CNTN5: variants seen among roughly 807,000 people sequenced by gnomAD.
CNTN5 encodes the protein contactin-5.
Under a neutral mutation model 129.1 loss-of-function variants are expected in CNTN5, and 77 were observed. The observed-to-expected ratio is 0.60, with a 90% CI of 0.50 to 0.72. The LOEUF (loss-of-function observed/expected upper bound fraction) is 0.72. CNTN5 is among the 30% of genes least tolerant of loss of function. CNTN5 has a pLI of 0.00. For missense variants in CNTN5, 1,478 were observed against 1,328.8 expected, an observed-to-expected ratio of 1.11 and a Z score of -1.75; for synonymous variants, 509 against 465.6, an observed-to-expected ratio of 1.09 and a Z score of -1.20.
At chr11:99,708,682 CTGTGGGG>C (rs1954851161) in intron 3 of CNTN5, among the ~76,000 whole-genome samples, 1 of 151,690 alleles carries the variant, frequency 6.6e-6, no homozygotes, top group African/African-American at 2.4e-5. Flanking sequence ...TCTTTTCTCA[CTGTGGGG>C]TGAATGCATC....
chr11:100,044,131 T>C (rs1406696625), intron 9 of CNTN5, among the ~76,000 whole-genome samples: 1 of 136,458 alleles, frequency 7.3e-6, no homozygotes, highest in South Asian at 2.6e-4. Context: ...TAGACTTACA[T>C]GTACATGTGT....
At chr11:99,087,911 C>T (rs1202173670) in intron 1 of CNTN5, among the ~76,000 whole-genome samples, 1 of 152,112 alleles carries the variant, frequency 6.6e-6, no homozygotes, top group Non-Finnish European at 1.5e-5. Context: ...CCACAGAGTC[C>T]CATGGTCAGA....
chr11:99,421,513 C>G (rs1023236640), intron 2 of CNTN5, among the ~76,000 whole-genome samples: 4 of 152,162 alleles, frequency 2.6e-5, no homozygotes, highest in Non-Finnish European at 4.4e-5. Context: ...CCAATTGAAA[C>G]TAATTTCATA....
chr11:99,821,328 G>T (rs1008863891), intron 4 of CNTN5, among the ~76,000 whole-genome samples: 9 of 152,122 alleles, frequency 5.9e-5, no homozygotes, highest in Admixed American at 5.9e-4. Flanking sequence ...ACATAAGATG[G>T]AGCCAGCTGT....
At chr11:99,156,856 T>A (rs527596293) in intron 1 of CNTN5, among the ~76,000 whole-genome samples, 143 of 152,154 alleles carry the variant, frequency 9.4e-4, no homozygotes, top group African/African-American at 3.2e-3. Context: ...CAATATTTTT[T>A]AAACAAATCT....
At chr11:100,208,652 C>T (rs1450646949) in intron 15 of CNTN5, among the ~76,000 whole-genome samples, 1 of 152,164 alleles carries the variant, frequency 6.6e-6, no homozygotes, top group African/African-American at 2.4e-5. Flanking sequence ...GCCATTTTTG[C>T]AACCTACCAC....
chr11:99,671,584 AG>A (rs1953047134), intron 3 of CNTN5, among the ~76,000 whole-genome samples: 1 of 152,188 alleles, frequency 6.6e-6, no homozygotes, highest in Non-Finnish European at 1.5e-5. Context: ...TAAACAAGTA[AG>A]AAAAATAACT....
intron 13 of CNTN5, among the ~76,000 whole-genome samples, chr11:100,105,389 G>A (rs1478342201): frequency 6.6e-6 from 1 of 152,064 alleles, no homozygotes; most frequent in African/African-American, 2.4e-5. Context: ...TCATTTGCAA[G>A]CAAGAACTTC....
chr11:99,830,134 G>A (rs1432276497), intron 4 of CNTN5, among the ~76,000 whole-genome samples: 1 of 152,070 alleles, frequency 6.6e-6, no homozygotes, highest in African/African-American at 2.4e-5. Context: ...GGGGCGGGGA[G>A]CATGTTCTTC....
At chr11:99,783,795 G>T (rs1409860830) in intron 3 of CNTN5, among the ~76,000 whole-genome samples, 1 of 149,582 alleles carries the variant, frequency 6.7e-6, no homozygotes, top group African/African-American at 2.5e-5. Context: ...ACAGGAAGGG[G>T]AATATCACAC....
intron 1 of CNTN5, among the ~76,000 whole-genome samples, chr11:99,066,218 C>T (rs1358256170): frequency 6.6e-6 from 1 of 152,128 alleles, no homozygotes; most frequent in Non-Finnish European, 1.5e-5. Flanking sequence ...ATTCTCCTGC[C>T]TCAGCCTCCT....
intron 3 of CNTN5, among the ~76,000 whole-genome samples, chr11:99,574,566 A>G (rs1949284234): frequency 6.6e-6 from 1 of 152,208 alleles, no homozygotes; most frequent in Non-Finnish European, 1.5e-5. Flanking sequence ...CCTCTCCAGC[A>G]TCTGGTGTTT....
chr11:99,537,647 T>A (rs946675329), intron 2 of CNTN5, among the ~76,000 whole-genome samples: 1 of 152,132 alleles, frequency 6.6e-6, no homozygotes, highest in African/African-American at 2.4e-5. Flanking sequence ...CACAAAAACT[T>A]CAATTAATGG....
intron 1 of CNTN5, among the ~76,000 whole-genome samples, chr11:99,156,877 A>G (rs1039230036): frequency 6.6e-6 from 1 of 152,040 alleles, no homozygotes; most frequent in Non-Finnish European, 1.5e-5. Flanking sequence ...CAGGTGTATA[A>G]TACTGTGTTT....
chr11:99,031,387 T>C (rs1189729164), intron 1 of CNTN5, among the ~76,000 whole-genome samples: 2 of 152,180 alleles, frequency 1.3e-5, no homozygotes, highest in African/African-American at 2.4e-5. Context: ...CTGAAACATT[T>C]ACTGATTATT....
chr11:99,266,351 T>C (rs1405761734), intron 1 of CNTN5, among the ~76,000 whole-genome samples: 1 of 152,232 alleles, frequency 6.6e-6, no homozygotes, highest in East Asian at 1.9e-4. Context: ...GTAATCCCAG[T>C]GCTTTGGAAA....
intron 2 of CNTN5, among the ~76,000 whole-genome samples, chr11:99,380,546 G>A (rs1307076132): frequency 6.6e-6 from 1 of 152,036 alleles, no homozygotes; most frequent in African/African-American, 2.4e-5. Flanking sequence ...GAGGTAGGTG[G>A]ATCATCTGAG....
intron 13 of CNTN5, among the ~76,000 whole-genome samples, chr11:100,110,663 CTT>C (rs1945626201): frequency 6.6e-6 from 1 of 152,248 alleles, no homozygotes; most frequent in South Asian, 2.1e-4. Context: ...AGGAAAATAA[CTT>C]ATATTTGCTT....
At chr11:100,217,340 T>C (rs368948504) in intron 15 of CNTN5, among the ~76,000 whole-genome samples, 1 of 152,194 alleles carries the variant, frequency 6.6e-6, no homozygotes, top group African/African-American at 2.4e-5. Context: ...ATGCTTGCTA[T>C]GATAAAGAAG....
Sources: gnomAD v4.1 joint callset for allele counts (sites outside exome capture counted in the v4.1 genomes callset) on GRCh38, gnomAD v4.1.1 for gene constraint, MANE v1.5 for transcripts, NCBI Gene and HGNC (gene_info 2026-07-23, HGNC 2026-07-21) for gene names.